The following DLGAP2 variants were observed in gnomAD, a reference collection of about 807,000 sequenced individuals.
DLGAP2 encodes disks large-associated protein 2.
DLGAP2 carries 26 observed loss-of-function variants against 100.3 expected under a neutral mutation model. That is an observed-to-expected ratio of 0.26 (90% CI 0.19 to 0.36). The LOEUF is 0.36. Among genes scored for constraint, DLGAP2 ranks in the 10% least tolerant of loss-of-function variants. DLGAP2 has a pLI of 1.00. For synonymous variants in DLGAP2, 886 were observed against 630.1 expected (o/e 1.41, Z -6.08); for missense variants, 1,858 against 1,453.2 (o/e 1.28, Z -4.53).
chr8:958,359 G>A (rs1010691254), intron 2 of DLGAP2, among the ~76,000 whole-genome samples: 25 of 151,972 alleles, frequency 1.6e-4, no homozygotes, highest in African/African-American at 5.8e-4. Flanking sequence ...TGGACACTGG[G>A]GCATGAGTAT....
At chr8:1,358,501 A>T (rs893852020) in intron 3 of DLGAP2, among the ~76,000 whole-genome samples, 2 of 152,148 alleles carry the variant, frequency 1.3e-5, no homozygotes, top group South Asian at 2.1e-4. Context: ...GCGTTCACCC[A>T]CTTCACCATA....
intron 4 of DLGAP2, among the ~76,000 whole-genome samples, chr8:1,545,351 G>C (rs934035637): frequency 3.3e-5 from 5 of 152,134 alleles, no homozygotes; most frequent in Non-Finnish European, 5.9e-5. Context: ...ATGCTATTTA[G>C]ATTGGGTAGG....
chr8:1,115,508 G>A (rs1311286649), intron 2 of DLGAP2, among the ~76,000 whole-genome samples: 2 of 152,204 alleles, frequency 1.3e-5, no homozygotes, highest in Admixed American at 1.3e-4. Flanking sequence ...TAAAAATATT[G>A]TGAAGATTCT....
At chr8:1,506,883 C>T (rs1041199067) in intron 4 of DLGAP2, among the ~76,000 whole-genome samples, 30 of 152,284 alleles carry the variant, frequency 2.0e-4, no homozygotes, top group African/African-American at 6.0e-4. Context: ...CATTTACAAA[C>T]CTTGAGCTAG....
chr8:1,019,612 G>A (rs921472830), intron 2 of DLGAP2: 4 of 147,332 alleles, frequency 2.7e-5, no homozygotes, highest in Non-Finnish European at 3.0e-5. Context: ...GGAATTTCGT[G>A]ATCTCTGTGG....
chr8:996,497 C>T (rs1415352760), intron 2 of DLGAP2, among the ~76,000 whole-genome samples: 2 of 152,180 alleles, frequency 1.3e-5, no homozygotes, highest in Admixed American at 6.5e-5. Flanking sequence ...TGGCCGGAGG[C>T]TCAGGTTTGT....
At chr8:880,088 C>A (rs1797758696) in intron 1 of DLGAP2, among the ~76,000 whole-genome samples, 1 of 152,156 alleles carries the variant, frequency 6.6e-6, no homozygotes, top group Non-Finnish European at 1.5e-5. Flanking sequence ...TTCATCAGAA[C>A]TGGTCTTTCC....
At chr8:1,445,908 A>G (rs1242230680) in intron 3 of DLGAP2, among the ~76,000 whole-genome samples, 1 of 152,196 alleles carries the variant, frequency 6.6e-6, no homozygotes, top group African/African-American at 2.4e-5. Context: ...GTGTCTGTTC[A>G]TATCATTCAC....
chr8:864,485 T>C (rs1189808254), intron 1 of DLGAP2, among the ~76,000 whole-genome samples: 1 of 152,222 alleles, frequency 6.6e-6, no homozygotes, highest in Admixed American at 6.5e-5. Flanking sequence ...TAGAAAATTT[T>C]AGAAACCTCA....
At chr8:1,462,443 ATTTGGTGG>A (rs1798486107) in intron 3 of DLGAP2, among the ~76,000 whole-genome samples, 1 of 93,064 alleles carries the variant, frequency 1.1e-5, no homozygotes, top group Non-Finnish European at 2.1e-5. Flanking sequence ...GCAGTCGCTG[ATTTGGTGG>A]CCAGGAGGAG....
chr8:797,440 C>G (rs1404098721), intron 1 of DLGAP2, among the ~76,000 whole-genome samples: 1 of 152,128 alleles, frequency 6.6e-6, no homozygotes, highest in Admixed American at 6.6e-5. Flanking sequence ...CCACATTTCG[C>G]CTTTCCATTC....
intron 2 of DLGAP2, among the ~76,000 whole-genome samples, chr8:1,045,846 C>T (rs184085595): frequency 2.0e-5 from 3 of 152,266 alleles, no homozygotes; most frequent in Non-Finnish European, 2.9e-5. Context: ...GGTGACTCGC[C>T]ATAGGACGGC....
chr8:1,095,154 T>TGGCATGGACCA (rs1804326500), intron 2 of DLGAP2, among the ~76,000 whole-genome samples: 2 of 151,912 alleles, frequency 1.3e-5, no homozygotes, highest in African/African-American at 4.8e-5. Context: ...AGCCTGGTGC[T>TGGCATGGACCA]CCTTCAGGAG....
At chr8:1,234,682 G>T (rs1197341489) in intron 2 of DLGAP2, among the ~76,000 whole-genome samples, 1 of 152,146 alleles carries the variant, frequency 6.6e-6, no homozygotes, top group Non-Finnish European at 1.5e-5. Flanking sequence ...TTAAAATTAT[G>T]TCCCACGAGC....
chr8:951,575 G>C (rs538653980), intron 2 of DLGAP2, among the ~76,000 whole-genome samples: 1 of 152,312 alleles, frequency 6.6e-6, no homozygotes, highest in East Asian at 1.9e-4. Flanking sequence ...AAAAGGGAAA[G>C]CACACTTTTA....
chr8:1,453,767 C>G (rs978941463), intron 3 of DLGAP2, among the ~76,000 whole-genome samples: 11 of 152,204 alleles, frequency 7.2e-5, no homozygotes, highest in African/African-American at 2.7e-4. Flanking sequence ...GAATAGTAAC[C>G]AGCAGGAGTT....
rs1563051967 is a variant in DLGAP2 at position 1,267,592 on chromosome 8, ATAAGATAAGATAAGATAAG to A, written c.106+8710_106+8728del. On this transcript the variant is annotated intron_variant, in intron 3 of 14. Coordinates refer to ENST00000637795, the MANE Select transcript of DLGAP2 (RefSeq NM_001346810.2). ...ATAAAATAAAATAAAATAAAATAAGATAAGATAAGATAAGATAAGATAAGATAAGATAAATATTAAATAG... is the reference window on the plus strand; with the variant it reads ...ATAAAATAAAATAAAATAAAATAAGAATAAGATAAGATAAATATTAAATAG... Among the ~76,000 whole-genome samples, 24 of 40,352 alleles carry A rather than the reference ATAAGATAAGATAAGATAAG, an allele frequency of 5.9e-4. 3 individuals carry two copies. The highest frequency in any genetic ancestry group is 9.8e-4 in the Non-Finnish European group (19 of 19,344). 26.5% of individuals were successfully genotyped at this position (40,352 alleles called of 152,430 possible).
At chr8:1,181,992 A>G (rs758389580) in intron 2 of DLGAP2, among the ~76,000 whole-genome samples, 2 of 152,240 alleles carry the variant, frequency 1.3e-5, no homozygotes, top group Non-Finnish European at 2.9e-5. Flanking sequence ...CAGAAGGTGA[A>G]GTGGAGCTGT....
chr8:1,017,805 C>T (rs905149826), intron 2 of DLGAP2, among the ~76,000 whole-genome samples: 1 of 152,230 alleles, frequency 6.6e-6, no homozygotes, highest in Non-Finnish European at 1.5e-5. Flanking sequence ...TCACTCCTCT[C>T]CACGCTACTG....
Sources: allele counts gnomAD v4.1 joint callset (sites outside exome capture counted in the v4.1 genomes callset), GRCh38; gene constraint gnomAD v4.1.1; transcripts MANE v1.5; gene names NCBI Gene and HGNC (gene_info 2026-07-23, HGNC 2026-07-21).